The following C8orf33 variants were observed in gnomAD, a reference collection of about 807,000 sequenced individuals.
C8orf33 encodes UPF0488 protein C8orf33.
In C8orf33, 28 loss-of-function variants were observed where a neutral mutation model predicts 25.7. That is an observed-to-expected ratio of 1.09 (90% CI 0.81 to 1.49). The LOEUF is 1.49. C8orf33 is among the 40% of genes most tolerant of loss of function. The pLI is 0.00. For missense variants in C8orf33, 369 were observed against 294.4 expected, an observed-to-expected ratio of 1.25 and a Z score of -1.85; for synonymous variants, 153 against 115.9, an observed-to-expected ratio of 1.32 and a Z score of -2.06.
chr8:145,052,554 C>A, intron 1 of C8orf33, 32 bp from the exon 2 acceptor site: 1 of 1,600,926 alleles, frequency 6.2e-7, no homozygotes, highest in Non-Finnish European at 8.5e-7. Flanking sequence ...TGGCGGCTCT[C>A]GGTGACCCTC....
chr8:145,053,960 C>G, intron 4 of C8orf33, 58 bp from the exon 5 acceptor site: 13 of 1,565,768 alleles, frequency 8.3e-6, no homozygotes, highest in Admixed American at 1.8e-5. Context: ...CATAACTGTA[C>G]AGGTAATGTT....
chr8:145,053,584 CAGAA>C (rs567891762), intron 4 of C8orf33, 141 bp downstream of exon 4: 297 of 818,630 alleles, frequency 3.6e-4, no homozygotes, highest in Middle Eastern at 1.4e-3. Flanking sequence ...AGCAGGGAAA[CAGAA>C]AGCGTGGACC....
At position 145,055,352 on chromosome 8, in the gene C8orf33, T is replaced by G. The variant is rs1296143218; in HGVS notation, c.*1195T>G. On this transcript the variant is annotated 3_prime_UTR_variant, in exon 5 of 5. Transcript: ENST00000331434. ...TAGGAAAAACCAGGCCATACAGAGA[T>G]AGGAGCCGAGGGGACATAGTGCGAA... 1 of 152,312 alleles carries G rather than the reference T, an allele frequency of 6.6e-6. No individual in the cohort carries two copies. Among genetic ancestry groups the G allele is most frequent in the Non-Finnish European group, 1.5e-5 (1 of 68,204 alleles). 9.4% of individuals were successfully genotyped at this position (152,312 alleles called of 1,614,324 possible).
chr8:145,055,516 A>AG lies in C8orf33; in HGVS notation c.*1361dup, dbSNP rs1207849475. The AG allele has an allele frequency of 1.2e-5, 2 of 172,608 alleles. No individual in the cohort carries two copies. Among genetic ancestry groups the AG allele is most frequent in the Non-Finnish European group, 2.4e-5 (2 of 82,082 alleles). The allele number at this position is 172,608 out of a possible 1,614,324, so 10.7% of individuals were successfully genotyped here. ...TGGTCTAGCAGTAGCATCAGTGTCAAGGAAAAACACCCACTACTTAGCAGA... is the reference window on the plus strand; with the variant it reads ...TGGTCTAGCAGTAGCATCAGTGTCAAGGGAAAAACACCCACTACTTAGCAGA... On this transcript the variant is annotated 3_prime_UTR_variant, in exon 5 of 5. Transcript: ENST00000331434.
In C8orf33 at chr8:145,053,999, C is replaced by T; in HGVS notation, c.551-19C>T. The T allele has an allele frequency of 1.2e-6, 2 of 1,612,474 alleles. No individual in the cohort carries two copies. Among genetic ancestry groups the T allele is most frequent in the Non-Finnish European group, 1.7e-6 (2 of 1,179,800 alleles). On this transcript the variant is annotated intron_variant, in intron 4 of 4. Transcript: ENST00000331434. Reference sequence around the variant, plus strand: ...TGTTATTATTCAGTTCTGACATACGCTGCTTCTCTCCCCGACAGCTGCTTA... The same window carrying T: ...TGTTATTATTCAGTTCTGACATACGTTGCTTCTCTCCCCGACAGCTGCTTA...
At chr8:145,052,953 A>G in intron 2 of C8orf33, 56 bp downstream of exon 2, 1 of 1,599,838 alleles carries the variant, frequency 6.3e-7, no homozygotes, top group Non-Finnish European at 8.5e-7. Context: ...ATCCACGGGC[A>G]CGTGTGATCT....
chr8:145,054,294 G>C lies in C8orf33; in HGVS notation c.*137G>C, dbSNP rs932421229. 3.9e-6 allele frequency: 4 copies of C among 1,014,124 alleles called. No individual in the cohort carries two copies. The African/African-American group carries it at 4.9e-5, about 12-fold the overall frequency. 62.8% of individuals were successfully genotyped at this position (1,014,124 alleles called of 1,614,324 possible). A position where few individuals can be genotyped will look rare whatever the true frequency, so the allele number is the denominator to read the frequency against. ...TCCCTGGCTGGTCCAAGGATTTGTA[G>C]CTGTTGTGAAGGTGTGAGACCATCA... On this transcript the variant is annotated 3_prime_UTR_variant, in exon 5 of 5. Coordinates refer to ENST00000331434, the MANE Select transcript of C8orf33 (RefSeq NM_023080.3).
chr8:145,052,892 G>A lies in C8orf33; in HGVS notation c.313G>A (p.Ala105Thr), dbSNP rs772785132. The change falls in exon 2 of 5, where the codon GCC becomes ACC. Residue 105 changes from alanine to threonine, a missense_variant. Transcript: ENST00000331434. The stretch of plus-strand genomic sequence containing the variant: ...AGAAGAAGTTCCCCTAAGCGCTGAG[G>A]CCCAGGCAAGGGCGGGCTTCGGTCG... ...APEEVPLSAE[A>T]QAQQLAQELA... The A allele has an allele frequency of 2.9e-5, 46 of 1,611,428 alleles. No individual in the cohort carries two copies. Among genetic ancestry groups the A allele is most frequent in the Admixed American group, 5.0e-5 (3 of 59,538 alleles).
Position 145,052,936 on chromosome 8 carries a change from G to A in C8orf33, c.318+39G>A, listed in dbSNP as rs757331094. On this transcript the variant is annotated intron_variant, in intron 2 of 4. Transcript: ENST00000331434. ...TCGGTCGGGAAGGGTGGAATCCACG[G>A]GTGCGAATCCACGGGCACGTGTGAT... 2.9e-5 allele frequency: 45 copies of A among 1,527,830 alleles called. No homozygotes were observed. In the African/African-American group the frequency reaches 1.0e-3, roughly 34 times the overall value. 94.6% of individuals were successfully genotyped at this position (1,527,830 alleles called of 1,614,324 possible). A position where few individuals can be genotyped will look rare whatever the true frequency, so the allele number is the denominator to read the frequency against.
At chr8:145,052,519 C>T (rs551205680) in intron 1 of C8orf33, 22 bp downstream of exon 1, 25 of 1,600,142 alleles carry the variant, frequency 1.6e-5, no homozygotes, top group Non-Finnish European at 1.9e-5. Flanking sequence ...GGAGAAGACG[C>T]GCGGGTGGCT....
In C8orf33 at chr8:145,054,517, A is replaced by G. The variant is rs1300447810; in HGVS notation, c.*360A>G. 1.6e-5 allele frequency: 3 copies of G among 184,606 alleles called. No homozygotes were observed. The highest frequency in any genetic ancestry group is 5.8e-5 in the Admixed American group (1 of 17,202). The allele number at this position is 184,606 out of a possible 1,614,324, so 11.4% of individuals were successfully genotyped here. On this transcript the variant is annotated 3_prime_UTR_variant, in exon 5 of 5. Coordinates refer to ENST00000331434, the MANE Select transcript of C8orf33 (RefSeq NM_023080.3). ...TAGTGGAGAAGCTGTATAATCGTACACTGGTTTTCACTTTTGAAAGGAATC... is the reference window on the plus strand; with the variant it reads ...TAGTGGAGAAGCTGTATAATCGTACGCTGGTTTTCACTTTTGAAAGGAATC...
intron 1 of C8orf33, 41 bp downstream of exon 1, chr8:145,052,538 C>T: frequency 6.2e-7 from 1 of 1,600,818 alleles, no homozygotes; most frequent in South Asian, 1.1e-5. Context: ...CTGGGCCTTG[C>T]ATTGTTGGCG....
Position 145,055,725 on chromosome 8 carries a change from C to G in C8orf33, c.*1568C>G, listed in dbSNP as rs991500347. Reference sequence around the variant, plus strand: ...CATGTTCCATCCTGTATACCTGGCTCTGCCTTTTAGATAGCAGGAGCAAAT... The same window carrying G: ...CATGTTCCATCCTGTATACCTGGCTGTGCCTTTTAGATAGCAGGAGCAAAT... On this transcript the variant is annotated 3_prime_UTR_variant, in exon 5 of 5. Coordinates refer to ENST00000331434, the MANE Select transcript of C8orf33 (RefSeq NM_023080.3). 1 of 153,310 alleles carries G rather than the reference C, an allele frequency of 6.5e-6. No individual in the cohort carries two copies. Among genetic ancestry groups the G allele is most frequent in the Non-Finnish European group, 1.5e-5 (1 of 68,780 alleles). 9.5% of individuals were successfully genotyped at this position (153,310 alleles called of 1,614,324 possible).
chr8:145,054,033 A>G lies in C8orf33; in HGVS notation c.566A>G (p.Gln189Arg). Residue 189 changes from glutamine (Q) to arginine (R), a missense_variant, in exon 5 of 5, where the codon CAG (glutamine) becomes CGG (arginine). Gln to Arg is a conservative substitution (Grantham distance 43). Coordinates refer to ENST00000331434, the MANE Select transcript of C8orf33 (RefSeq NM_023080.3). ...TCCCCGACAGCTGCTTATTCAGCCC[A>G]GGTGCAACCTGTAGATGGAGCCACC... ...RALRAAAYSA[Q>R]VQPVDGATRK... 6.2e-7 allele frequency: 1 copy of G among 1,614,072 alleles called. No homozygotes were observed. Among genetic ancestry groups the G allele is most frequent in the South Asian group, 1.1e-5 (1 of 91,086 alleles).
rs1244494831 is a variant in C8orf33, at chr8:145,055,210, G to A, written c.*1053G>A. The A allele has an allele frequency of 1.3e-5, 2 of 151,974 alleles. No individual in the cohort carries two copies. The highest frequency in any genetic ancestry group is 2.9e-5 in the Non-Finnish European group (2 of 68,030). 9.4% of individuals were successfully genotyped at this position (151,974 alleles called of 1,614,324 possible). On this transcript the variant is annotated 3_prime_UTR_variant, in exon 5 of 5. Coordinates refer to ENST00000331434, the MANE Select transcript of C8orf33 (RefSeq NM_023080.3). ...TATAATAAAATATATAAAATAAGAA[G>A]AGTTATACTAGATCTAGATCATAGA...
At position 145,054,285 on chromosome 8, in the gene C8orf33, G is replaced by T. The variant is rs2129697935; in HGVS notation, c.*128G>T. 1 of 1,092,574 alleles carries T rather than the reference G, an allele frequency of 9.2e-7. No individual in the cohort carries two copies. Among genetic ancestry groups the T allele is most frequent in the East Asian group, 2.5e-5 (1 of 40,776 alleles). The allele number at this position is 1,092,574 out of a possible 1,614,324, so 67.7% of individuals were successfully genotyped here. A position where few individuals can be genotyped will look rare whatever the true frequency, so the allele number is the denominator to read the frequency against. On this transcript the variant is annotated 3_prime_UTR_variant, in exon 5 of 5. Transcript: ENST00000331434. ...GTTGGTCTGTCCCTGGCTGGTCCAAGGATTTGTAGCTGTTGTGAAGGTGTG... is the reference window on the plus strand; with the variant it reads ...GTTGGTCTGTCCCTGGCTGGTCCAATGATTTGTAGCTGTTGTGAAGGTGTG...
rs1835297459 is a variant in C8orf33 at position 145,052,841 on chromosome 8, G to A, written c.262G>A (p.Glu88Lys). The change falls in exon 2 of 5, where the codon GAG becomes AAG. Residue 88 changes from glutamate to lysine, a missense_variant. By Grantham distance (56) the Glu-to-Lys change is moderately conservative. Transcript: ENST00000331434. ...RNRASVANGG[E>K]KASEKLAPEE... is the part of the protein sequence containing the mutation. ...CAGGGCCTCTGTGGCAAATGGAGGC[G>A]AGAAGGCCTCAGAGAAACTCGCCCC... 1 of 1,613,938 alleles carries A rather than the reference G, an allele frequency of 6.2e-7. No individual in the cohort carries two copies.
At chr8:145,053,742 C>T in intron 4 of C8orf33, 2 of 579,450 alleles carry the variant, frequency 3.5e-6, no homozygotes, top group South Asian at 4.3e-5. Flanking sequence ...TCTCTACTAG[C>T]AATGAAGCCA....
rs1173305544 is a variant in C8orf33 at position 145,052,611 on chromosome 8, C to T, written c.32C>T (p.Ala11Val). The T allele has an allele frequency of 6.2e-7, 1 of 1,608,420 alleles. No homozygotes were observed. Among genetic ancestry groups the T allele is most frequent in the African/African-American group, 1.3e-5 (1 of 74,958 alleles). ...GCCCTGGGACATCTTGCTGGGGAGGCAGCGGCGGCCCCAGGCCCGGGTACT... is the reference window on the plus strand; with the variant it reads ...GCCCTGGGACATCTTGCTGGGGAGGTAGCGGCGGCCCCAGGCCCGGGTACT... MAALGHLAGE[A>V]AAAPGPGTPC... Residue 11 changes from alanine to valine, a missense_variant, in exon 2 of 5, where the codon GCA (alanine) becomes GTA (valine). By Grantham distance (64) the Ala-to-Val change is moderately conservative. Coordinates refer to ENST00000331434, the MANE Select transcript of C8orf33 (RefSeq NM_023080.3).
Sources: gnomAD v4.1 joint callset for allele counts on GRCh38, gnomAD v4.1.1 for gene constraint, MANE v1.5 for transcripts, NCBI Gene and HGNC (gene_info 2026-07-23, HGNC 2026-07-21) for gene names.